Variants in CNTNAP5 observed in about 807,000 individuals in gnomAD.
CNTNAP5 encodes contactin-associated protein-like 5.
A neutral mutation model predicts 150.2 loss-of-function variants in CNTNAP5; 72 were observed. The observed-to-expected ratio is 0.48, with a 90% CI of 0.40 to 0.58. The LOEUF is 0.58. CNTNAP5 is among the 20% of genes least tolerant of loss of function. The pLI, the probability that CNTNAP5 is intolerant of heterozygous loss-of-function variation, is 0.00. For missense variants in CNTNAP5, 1,636 were observed against 1,626.2 expected (o/e 1.01, Z -0.10); for synonymous variants, 672 against 619.8 (o/e 1.08, Z -1.25).
chr2:124,503,426 G>A (rs576316136), intron 7 of CNTNAP5, among the ~76,000 whole-genome samples: 1 of 152,312 alleles, frequency 6.6e-6, no homozygotes, highest in South Asian at 2.1e-4. Flanking sequence ...AGCCATTCAG[G>A]TTAGGGCATT....
At chr2:124,086,245 G>A (rs1377104812) in intron 1 of CNTNAP5, among the ~76,000 whole-genome samples, 1 of 139,480 alleles carries the variant, frequency 7.2e-6, no homozygotes, top group Non-Finnish European at 1.5e-5. Context: ...CGCCCAGGCT[G>A]GAGTGCAGTG....
At chr2:124,524,482 T>A in intron 9 of CNTNAP5, 30 bp downstream of exon 9, 1 of 1,578,384 alleles carries the variant, frequency 6.3e-7, no homozygotes, top group Non-Finnish European at 8.6e-7. Flanking sequence ...AGAGGGAAAA[T>A]TAAGAAGGGA....
At chr2:124,156,824 T>G (rs1684559677) in intron 1 of CNTNAP5, among the ~76,000 whole-genome samples, 2 of 152,302 alleles carry the variant, frequency 1.3e-5, no homozygotes, top group African/African-American at 4.8e-5. Flanking sequence ...ACAGAGCTGG[T>G]AGTTCGGGAT....
At chr2:124,815,361 G>A (rs1682339524) in intron 19 of CNTNAP5, among the ~76,000 whole-genome samples, 1 of 152,110 alleles carries the variant, frequency 6.6e-6, no homozygotes, top group Non-Finnish European at 1.5e-5. Context: ...AATTTTGTTG[G>A]CTGCCCTTGT....
chr2:124,276,808 G>A (rs538220945), intron 3 of CNTNAP5, among the ~76,000 whole-genome samples: 23 of 152,250 alleles, frequency 1.5e-4, no homozygotes, highest in African/African-American at 5.1e-4. Flanking sequence ...ACAAACACCA[G>A]CAGAGTAAAC....
chr2:124,540,773 T>G (rs1487084119), intron 10 of CNTNAP5, among the ~76,000 whole-genome samples: 1 of 152,108 alleles, frequency 6.6e-6, no homozygotes, highest in African/African-American at 2.4e-5. Flanking sequence ...TATACTTGAG[T>G]GCCGACCACA....
intron 12 of CNTNAP5, among the ~76,000 whole-genome samples, chr2:124,617,928 G>A (rs764415730): frequency 3.3e-5 from 5 of 152,100 alleles, no homozygotes; most frequent in African/African-American, 4.8e-5. Context: ...CTGGTCAAGA[G>A]CTGCAGGAAA....
At chr2:124,359,369 C>T (rs1272144888) in intron 3 of CNTNAP5, among the ~76,000 whole-genome samples, 20 of 151,666 alleles carry the variant, frequency 1.3e-4, no homozygotes, top group Non-Finnish European at 1.5e-5. Context: ...TTTGCTCTTG[C>T]TTTTCTCGTT....
chr2:124,702,346 C>CTTTTTTTTTTTTTTTTTTTT lies in CNTNAP5; in HGVS notation c.2078-44852_2078-44833dup, dbSNP rs71412792. ...ATGTCCTTCTGTGAAACTATGAACA[C>CTTTTTTTTTTTTTTTTTTTT]TTTTTTTTTTTTTTTTTTTTTTTTT... On this transcript the variant is annotated intron_variant, in intron 13 of 23. Transcript: ENST00000682447. Among the ~76,000 whole-genome samples, 5 of 52,250 alleles carry CTTTTTTTTTTTTTTTTTTTT rather than the reference C, an allele frequency of 9.6e-5. 1 individual carries two copies. The highest frequency in any genetic ancestry group is 2.2e-4 in the African/African-American group (3 of 13,396). The allele number at this position is 52,250 out of a possible 152,430, so 34.3% of individuals were successfully genotyped here. A position where few individuals can be genotyped will look rare whatever the true frequency, so the allele number is the denominator to read the frequency against.
At chr2:124,628,311 G>T (rs1677774197) in intron 12 of CNTNAP5, among the ~76,000 whole-genome samples, 1 of 152,162 alleles carries the variant, frequency 6.6e-6, no homozygotes, top group Admixed American at 6.5e-5. Flanking sequence ...AGAGCAGCCA[G>T]AGAGAAAGGC....
chr2:124,503,618 G>C (rs1694328958), intron 7 of CNTNAP5, among the ~76,000 whole-genome samples: 1 of 152,158 alleles, frequency 6.6e-6, no homozygotes, highest in African/African-American at 2.4e-5. Flanking sequence ...CTGTTTCTAA[G>C]TTTGAATGAA....
chr2:124,850,448 C>G (rs569701837), intron 19 of CNTNAP5, among the ~76,000 whole-genome samples: 14 of 152,112 alleles, frequency 9.2e-5, no homozygotes, highest in Non-Finnish European at 7.4e-5. Flanking sequence ...GCAATGCACA[C>G]CAAAGAACAA....
intron 21 of CNTNAP5, among the ~76,000 whole-genome samples, chr2:124,874,844 C>T (rs976959971): frequency 5.3e-5 from 8 of 151,954 alleles, no homozygotes; most frequent in African/African-American, 1.4e-4. Flanking sequence ...ATGCAGCCAA[C>T]GTTTGTTAAT....
In CNTNAP5 at chr2:124,901,867, A is replaced by G. The variant is rs372686020; in HGVS notation, c.3437-1015A>G. ...GGAGGTTAATTTCTCATTTTCCTCCATATCCTTATCATACCTCTTAATGTT... is the reference window on the plus strand; with the variant it reads ...GGAGGTTAATTTCTCATTTTCCTCCGTATCCTTATCATACCTCTTAATGTT... On this transcript the variant is annotated intron_variant, in intron 21 of 23. Coordinates refer to ENST00000682447, the MANE Select transcript of CNTNAP5 (RefSeq NM_001367498.1). 2.8e-4 allele frequency among the ~76,000 whole-genome samples: 43 copies of G among 152,166 alleles called. 1 individual carries two copies. The highest frequency in any genetic ancestry group is 2.7e-3 in the East Asian group (14 of 5,190).
intron 11 of CNTNAP5, among the ~76,000 whole-genome samples, chr2:124,565,881 G>A (rs1022066928): frequency 2.0e-5 from 3 of 151,522 alleles, no homozygotes; most frequent in Non-Finnish European, 2.9e-5. Flanking sequence ...TTACAGGCGT[G>A]AGCCACCACG....
chr2:124,266,350 G>A (rs958029293), intron 3 of CNTNAP5, among the ~76,000 whole-genome samples: 8 of 152,078 alleles, frequency 5.3e-5, no homozygotes, highest in Non-Finnish European at 1.2e-4. Flanking sequence ...TAAACTGAGT[G>A]GATGAAATCA....
In CNTNAP5 at chr2:124,294,261, T is replaced by G. The variant is rs550107687; in HGVS notation, c.381+51868T>G. ...CACTCTTCTGATCCCAGGAAAAGAG[T>G]CTTGGGCACAACAGATAAATGCAAT... On this transcript the variant is annotated intron_variant, in intron 3 of 23. Coordinates refer to ENST00000682447, the MANE Select transcript of CNTNAP5 (RefSeq NM_001367498.1). Among the ~76,000 whole-genome samples, 86 of 112,748 alleles carry G rather than the reference T, an allele frequency of 7.6e-4. 1 individual carries two copies. In the South Asian group the frequency reaches 0.017, roughly 22 times the overall value. The allele number at this position is 112,748 out of a possible 152,430, so 74.0% of individuals were successfully genotyped here.
chr2:124,571,545 T>TTTTTTTTTTTTTTTTTTTTTTTTC, intron 11 of CNTNAP5, among the ~76,000 whole-genome samples: 1 of 117,322 alleles, frequency 8.5e-6, no homozygotes, highest in Non-Finnish European at 1.6e-5. Flanking sequence ...TTTTTTTTTT[T>TTTTTTTTTTTTTTTTTTTTTTTTC]TTTGAGACAG....
chr2:124,402,645 G>A (rs1428605686), intron 3 of CNTNAP5, among the ~76,000 whole-genome samples: 1 of 152,188 alleles, frequency 6.6e-6, no homozygotes, highest in African/African-American at 2.4e-5. Context: ...CAACTGTTAA[G>A]ATACAACAGG....
Sources: allele counts gnomAD v4.1 joint callset (sites outside exome capture counted in the v4.1 genomes callset), GRCh38; gene constraint gnomAD v4.1.1; transcripts MANE v1.5; gene names NCBI Gene and HGNC (gene_info 2026-07-23, HGNC 2026-07-21).